Variants in ZFPM2 observed in about 807,000 individuals in gnomAD.
The protein encoded by ZFPM2 is zinc finger protein ZFPM2.
Under a neutral mutation model 98.6 loss-of-function variants are expected in ZFPM2, and 20 were observed. The observed-to-expected ratio is 0.20, with a 90% CI of 0.14 to 0.29. ZFPM2 has a LOEUF of 0.29. Ranked by LOEUF, ZFPM2 falls within the 10% of genes least tolerant of loss-of-function variation. ZFPM2 has a pLI of 1.00. For missense variants in ZFPM2, 1,310 were observed against 1,388.6 expected (o/e 0.94, Z 0.90); for synonymous variants, 518 against 502.7 (o/e 1.03, Z -0.41).
chr8:105,405,250 T>C (rs544748542), intron 1 of ZFPM2, among the ~76,000 whole-genome samples: 1 of 152,076 alleles, frequency 6.6e-6, no homozygotes, highest in Non-Finnish European at 1.5e-5. Context: ...TGTGAGATAA[T>C]GGTCCACTCT....
intron 5 of ZFPM2, among the ~76,000 whole-genome samples, chr8:105,677,763 CTCTTTTAAATG>C (rs1470901925): frequency 6.6e-6 from 1 of 151,938 alleles, no homozygotes; most frequent in Non-Finnish European, 1.5e-5. Context: ...TAGGAGATTC[CTCTTTTAAATG>C]ATATGTCTAG....
intron 3 of ZFPM2, among the ~76,000 whole-genome samples, chr8:105,484,638 C>A (rs1343798962): frequency 6.6e-6 from 1 of 152,110 alleles, no homozygotes; most frequent in Non-Finnish European, 1.5e-5. Context: ...TGCCACACTG[C>A]CTGACACCTA....
At chr8:105,670,290 A>T (rs529197534) in intron 5 of ZFPM2, among the ~76,000 whole-genome samples, 1 of 152,036 alleles carries the variant, frequency 6.6e-6, no homozygotes, top group Admixed American at 6.5e-5. Context: ...AGGTCACGAG[A>T]TTGAGACCAT....
intron 7 of ZFPM2, 46 bp from the exon 8 acceptor site, chr8:105,801,001 C>A: frequency 1.3e-6 from 2 of 1,545,676 alleles, no homozygotes; most frequent in Non-Finnish European, 8.8e-7. Flanking sequence ...CATTCAAAAA[C>A]CAACACACAT....
intron 1 of ZFPM2, among the ~76,000 whole-genome samples, chr8:105,333,528 A>G (rs1812272275): frequency 1.3e-5 from 2 of 151,694 alleles, no homozygotes; most frequent in African/African-American, 4.8e-5. Context: ...AATTGTTGCA[A>G]CCTCTTTGAA....
At chr8:105,597,888 A>G (rs529900880) in intron 4 of ZFPM2, among the ~76,000 whole-genome samples, 146 of 152,142 alleles carry the variant, frequency 9.6e-4, no homozygotes, top group Non-Finnish European at 1.8e-3. Context: ...ATTAGGATAA[A>G]TATGAAATTT....
rs181196570 is a variant in ZFPM2, at chr8:105,743,909, C to A, written c.533-44809C>A. ...TTCTCTTATCACTCTTTATTTAGTT[C>A]AAATTGTATTTTTCTGCAGGGTAGC... On this transcript the variant is annotated intron_variant, in intron 5 of 7. Coordinates refer to ENST00000407775, the MANE Select transcript of ZFPM2 (RefSeq NM_012082.4). Among the ~76,000 whole-genome samples the A allele has an allele frequency of 3.0e-3, 453 of 152,026 alleles. 3 individuals are homozygous for A. Among genetic ancestry groups the A allele is most frequent in the African/African-American group, 9.4e-3 (388 of 41,486 alleles).
chr8:105,388,817 C>G (rs1423460721), intron 1 of ZFPM2, among the ~76,000 whole-genome samples: 2 of 152,080 alleles, frequency 1.3e-5, no homozygotes, highest in Non-Finnish European at 2.9e-5. Context: ...CCTCTTCCAA[C>G]CTGTGTGCTC....
At chr8:105,346,142 T>C (rs1812522184) in intron 1 of ZFPM2, among the ~76,000 whole-genome samples, 1 of 152,128 alleles carries the variant, frequency 6.6e-6, no homozygotes, top group Non-Finnish European at 1.5e-5. Context: ...TTCCAGCACT[T>C]TGGGAGGCTG....
chr8:105,476,608 C>T (rs1484491349), intron 3 of ZFPM2, among the ~76,000 whole-genome samples: 2 of 152,072 alleles, frequency 1.3e-5, no homozygotes, highest in African/African-American at 2.4e-5. Flanking sequence ...TCAATCTTCT[C>T]TTAATTGAAT....
At chr8:105,375,920 A>G (rs996202727) in intron 1 of ZFPM2, among the ~76,000 whole-genome samples, 1 of 152,166 alleles carries the variant, frequency 6.6e-6, no homozygotes, top group African/African-American at 2.4e-5. Context: ...AAAGAACTTT[A>G]TCATCATCTA....
At chr8:105,615,534 G>T (rs1438644431) in intron 4 of ZFPM2, among the ~76,000 whole-genome samples, 1 of 152,056 alleles carries the variant, frequency 6.6e-6, no homozygotes, top group African/African-American at 2.4e-5. Flanking sequence ...AGGGAGTGGG[G>T]CACCTTTTTG....
At chr8:105,560,764 A>G (rs559832926) in intron 3 of ZFPM2, among the ~76,000 whole-genome samples, 1 of 152,264 alleles carries the variant, frequency 6.6e-6, no homozygotes, top group East Asian at 1.9e-4. Flanking sequence ...AGACCTTCCA[A>G]AGCTGGTTAT....
chr8:105,774,581 T>A (rs2131097386), intron 5 of ZFPM2, among the ~76,000 whole-genome samples: 1 of 152,280 alleles, frequency 6.6e-6, no homozygotes, highest in South Asian at 2.1e-4. Context: ...AAAATGTCAA[T>A]GTCAGAGAAA....
At chr8:105,705,638 T>G (rs57081591) in intron 5 of ZFPM2, among the ~76,000 whole-genome samples, 1 of 152,068 alleles carries the variant, frequency 6.6e-6, no homozygotes, top group East Asian at 1.9e-4. Flanking sequence ...TGTGACCAAG[T>G]GAGCTACCTC....
intron 5 of ZFPM2, among the ~76,000 whole-genome samples, chr8:105,682,711 G>A (rs76992070): frequency 0.016 from 2,492 of 152,206 alleles, 30 homozygotes; most frequent in Non-Finnish European, 0.025. Flanking sequence ...ACTTGCAAGG[G>A]AAGCTGGGGA....
intron 5 of ZFPM2, among the ~76,000 whole-genome samples, chr8:105,669,219 G>A (rs1817543153): frequency 1.3e-5 from 2 of 151,966 alleles, no homozygotes; most frequent in South Asian, 2.1e-4. Flanking sequence ...ACTCCCCATG[G>A]ATATAGACAG....
chr8:105,586,481 G>A (rs367823696), intron 4 of ZFPM2, among the ~76,000 whole-genome samples: 3 of 151,948 alleles, frequency 2.0e-5, no homozygotes, highest in Non-Finnish European at 2.9e-5. Flanking sequence ...GGAGTGCAGC[G>A]GCACAATCTT....
At chr8:105,348,022 C>T (rs759179486) in intron 1 of ZFPM2, among the ~76,000 whole-genome samples, 1 of 152,034 alleles carries the variant, frequency 6.6e-6, no homozygotes, top group Non-Finnish European at 1.5e-5. Context: ...ATTGAGAATA[C>T]ATTTGTGTGT....
Sources: allele counts gnomAD v4.1 joint callset (sites outside exome capture counted in the v4.1 genomes callset), GRCh38; gene constraint gnomAD v4.1.1; transcripts MANE v1.5; gene names NCBI Gene and HGNC (gene_info 2026-07-23, HGNC 2026-07-21).